Variants in CCDC91 observed in about 807,000 individuals in gnomAD.
CCDC91 encodes coiled-coil domain containing 91.
In CCDC91, 48 loss-of-function variants were observed where a neutral mutation model predicts 63.2. The observed-to-expected ratio is 0.76, with a 90% CI of 0.60 to 0.97. The LOEUF (loss-of-function observed/expected upper bound fraction) is 0.97. Among genes scored for constraint, CCDC91 ranks in the 50% least tolerant of loss-of-function variants. The pLI is 0.00. For synonymous variants in CCDC91, 167 were observed against 165.8 expected, an observed-to-expected ratio of 1.01 and a Z score of -0.06; for missense variants, 500 against 494.6, an observed-to-expected ratio of 1.01 and a Z score of -0.10.
intron 12 of CCDC91, among the ~76,000 whole-genome samples, chr12:28,497,048 A>G (rs1004572699): frequency 2.7e-5 from 4 of 150,344 alleles, no homozygotes; most frequent in Non-Finnish European, 5.9e-5. Flanking sequence ...GATATTTCAT[A>G]TATGTTAGTT....
At chr12:28,340,812 T>C (rs1942361066) in intron 6 of CCDC91, among the ~76,000 whole-genome samples, 1 of 152,152 alleles carries the variant, frequency 6.6e-6, no homozygotes, top group Admixed American at 6.5e-5. Flanking sequence ...CTGCTTGTGT[T>C]AGTCAGCTTA....
chr12:28,246,486 T>C (rs577119222), intron 1 of CCDC91, among the ~76,000 whole-genome samples: 92 of 152,324 alleles, frequency 6.0e-4, no homozygotes, highest in Non-Finnish European at 1.0e-3. Flanking sequence ...TTAGTACCAA[T>C]GCAAATCACA....
intron 8 of CCDC91, among the ~76,000 whole-genome samples, chr12:28,407,951 C>G (rs9706002): frequency 6.1e-5 from 7 of 113,882 alleles, no homozygotes; most frequent in African/African-American, 2.4e-4. Flanking sequence ...TAGATATATA[C>G]ATATATATAT....
chr12:28,445,230 T>C (rs1018978338), intron 8 of CCDC91, among the ~76,000 whole-genome samples: 2 of 152,174 alleles, frequency 1.3e-5, no homozygotes, highest in African/African-American at 4.8e-5. Context: ...ATTAGAATTA[T>C]TTGGGATAGT....
intron 11 of CCDC91, among the ~76,000 whole-genome samples, chr12:28,478,261 G>C (rs1419718385): frequency 2.6e-5 from 4 of 152,096 alleles, no homozygotes; most frequent in Admixed American, 6.6e-5. Context: ...TACCAAAACA[G>C]AGATATAGAC....
intron 8 of CCDC91, among the ~76,000 whole-genome samples, chr12:28,444,665 C>T (rs1481898552): frequency 6.6e-6 from 1 of 152,036 alleles, no homozygotes; most frequent in Non-Finnish European, 1.5e-5. Flanking sequence ...ACAACAGACA[C>T]TGGGGTCTAC....
chr12:28,287,701 A>G (rs1470080701), intron 3 of CCDC91, among the ~76,000 whole-genome samples: 1 of 152,128 alleles, frequency 6.6e-6, no homozygotes. Flanking sequence ...TTTTGGTTCC[A>G]TATGAATTTT....
chr12:28,365,470 C>T lies in CCDC91; in HGVS notation c.654+2955C>T, dbSNP rs1432397864. On this transcript the variant is annotated intron_variant, in intron 7 of 12. Coordinates refer to ENST00000536442, the MANE Select transcript of CCDC91 (RefSeq NM_018318.5). ...AATTTTTCATTAATATTTTTAAAGC[C>T]GTATTTTACTGTAGTATATGAAAAT... Among the ~76,000 whole-genome samples the T allele has an allele frequency of 5.3e-5, 8 of 152,002 alleles. No individual in the cohort carries two copies. The East Asian group carries it at 1.3e-3, about 26-fold the overall frequency.
chr12:28,262,081 T>C (rs912702608), intron 3 of CCDC91, among the ~76,000 whole-genome samples: 5 of 151,984 alleles, frequency 3.3e-5, no homozygotes, highest in South Asian at 2.1e-4. Flanking sequence ...GGAAGTTGTT[T>C]AGGTGAGTGT....
At chr12:28,356,394 T>G (rs563474943) in intron 6 of CCDC91, among the ~76,000 whole-genome samples, 3 of 152,338 alleles carry the variant, frequency 2.0e-5, no homozygotes, top group African/African-American at 7.2e-5. Flanking sequence ...TGCACTACTC[T>G]GGCATTTATA....
intron 1 of CCDC91, among the ~76,000 whole-genome samples, chr12:28,209,725 C>A (rs1356693280): frequency 6.6e-6 from 1 of 152,176 alleles, no homozygotes; most frequent in Non-Finnish European, 1.5e-5. Context: ...GTTGCTACAC[C>A]CAGCTCAAGA....
intron 1 of CCDC91, chr12:28,199,104 G>A (rs1942008707): frequency 6.6e-6 from 1 of 151,886 alleles, no homozygotes; most frequent in Non-Finnish European, 1.5e-5. Context: ...TGTAGAGACA[G>A]GTTCTTACTC....
At chr12:28,509,332 T>C (rs978572249) in intron 12 of CCDC91, among the ~76,000 whole-genome samples, 57 of 151,926 alleles carry the variant, frequency 3.8e-4, no homozygotes, top group African/African-American at 1.3e-3. Flanking sequence ...AGCTGGATTA[T>C]GATGCAACTT....
rs187370747 is a variant in CCDC91, at chr12:28,480,282, A to C, written c.1102-3770A>C. 4.6e-5 allele frequency among the ~76,000 whole-genome samples: 7 copies of C among 152,086 alleles called. No homozygotes were observed. The East Asian group carries it at 1.2e-3, about 25-fold the overall frequency. ...AAGTCAGAGCTCACCTATTTTTTTA[A>C]GGTTTTCTCTGACCATTGTAGACAT... On this transcript the variant is annotated intron_variant, in intron 11 of 12. Coordinates refer to ENST00000536442, the MANE Select transcript of CCDC91 (RefSeq NM_018318.5).
chr12:28,356,457 G>C (rs995577191), intron 6 of CCDC91, among the ~76,000 whole-genome samples: 2 of 152,062 alleles, frequency 1.3e-5, no homozygotes, highest in African/African-American at 4.8e-5. Context: ...GGGTAATTTT[G>C]TACCATTTCT....
intron 8 of CCDC91, among the ~76,000 whole-genome samples, chr12:28,392,943 C>T (rs1946042399): frequency 6.6e-6 from 1 of 152,160 alleles, no homozygotes; most frequent in Non-Finnish European, 1.5e-5. Flanking sequence ...TTACTGTAAA[C>T]ATTTTCAATA....
At chr12:28,298,739 A>G (rs1323360410) in intron 3 of CCDC91, among the ~76,000 whole-genome samples, 1 of 130,484 alleles carries the variant, frequency 7.7e-6, no homozygotes, top group Non-Finnish European at 1.8e-5. Flanking sequence ...AAAAAAAAAC[A>G]ACAACAACAA....
chr12:28,244,870 C>CAAAA (rs142737936), intron 1 of CCDC91, among the ~76,000 whole-genome samples: 1 of 129,418 alleles, frequency 7.7e-6, no homozygotes, highest in Admixed American at 7.8e-5. Flanking sequence ...AACTCTGTCT[C>CAAAA]AAAAAAAAAA....
chr12:28,253,631 A>T (rs1255649688), intron 1 of CCDC91, among the ~76,000 whole-genome samples: 1 of 151,990 alleles, frequency 6.6e-6, no homozygotes, highest in African/African-American at 2.4e-5. Flanking sequence ...TTTTCCTTGT[A>T]TTTGCTTTGA....
Sources: allele counts gnomAD v4.1 joint callset (sites outside exome capture counted in the v4.1 genomes callset), GRCh38; gene constraint gnomAD v4.1.1; transcripts MANE v1.5; gene names NCBI Gene and HGNC (gene_info 2026-07-23, HGNC 2026-07-21).